PDE1A: variants seen among roughly 807,000 people sequenced by gnomAD.
PDE1A encodes the protein phosphodiesterase 1A.
A neutral mutation model predicts 61.7 loss-of-function variants in PDE1A; 35 were observed. The ratio of observed to expected loss-of-function variants is 0.57; its 90% CI spans 0.43 to 0.75. PDE1A has a LOEUF of 0.75. Among genes scored for constraint, PDE1A ranks in the 30% least tolerant of loss-of-function variants. The pLI is 0.00. For missense variants in PDE1A, 597 were observed against 630.6 expected, an observed-to-expected ratio of 0.95 and a Z score of 0.57; for synonymous variants, 232 against 213.2, an observed-to-expected ratio of 1.09 and a Z score of -0.77.
intron 1 of PDE1A, among the ~76,000 whole-genome samples, chr2:182,267,083 T>A (rs930804345): frequency 1.1e-4 from 16 of 152,000 alleles, no homozygotes; most frequent in African/African-American, 3.9e-4. Flanking sequence ...AGATGATGAG[T>A]ACCCTAGGAG....
downstream of PDE1A, chr2:182,142,542 T>A (rs1458537185): frequency 6.6e-6 from 1 of 152,174 alleles, no homozygotes; most frequent in Admixed American, 6.5e-5. Context: ...TCTGTTCCCA[T>A]GCATTTAAAA....
intron 2 of PDE1A, among the ~76,000 whole-genome samples, chr2:182,508,019 G>C (rs1036079566): frequency 6.6e-6 from 1 of 151,708 alleles, no homozygotes; most frequent in African/African-American, 2.4e-5. Flanking sequence ...CTTCAGGGAA[G>C]AGCATTCTTA....
intron 1 of PDE1A, among the ~76,000 whole-genome samples, chr2:182,341,607 C>A (rs1352232232): frequency 1.3e-5 from 2 of 152,108 alleles, no homozygotes; most frequent in African/African-American, 4.8e-5. Context: ...TTATCCATCA[C>A]CCCCATAAAG....
chr2:182,212,581 G>C (rs1337255533), intron 7 of PDE1A, among the ~76,000 whole-genome samples: 1 of 152,224 alleles, frequency 6.6e-6, no homozygotes. Flanking sequence ...AGCCGAAGCA[G>C]GGCGAGGCAT....
the PDE1A span, among the ~76,000 whole-genome samples, chr2:182,539,758 G>A: frequency 2.0e-5 from 3 of 152,092 alleles, no homozygotes; most frequent in Non-Finnish European, 2.9e-5. Flanking sequence ...TCAGTGCAAT[G>A]GGCATTGAAT....
At chr2:182,522,661 T>C in intron 1 of PDE1A, 1 of 1,154,520 alleles carries the variant, frequency 8.7e-7, no homozygotes, top group South Asian at 3.1e-5. Context: ...ACTGTACTAC[T>C]GACCGACTGA....
At chr2:182,286,564 C>T (rs35220243) in intron 1 of PDE1A, among the ~76,000 whole-genome samples, 15,002 of 152,142 alleles carry the variant, frequency 0.099, 977 homozygotes, top group Middle Eastern at 0.18. Context: ...TGAGTGATTT[C>T]GGACCTAAGC....
rs77839773 is a variant in PDE1A at position 182,359,058 on chromosome 2, T to C, written c.53+67520A>G. Among the ~76,000 whole-genome samples the C allele has an allele frequency of 2.5e-3, 379 of 152,162 alleles. 7 individuals are homozygous for C. Among genetic ancestry groups the C allele is most frequent in the East Asian group, 4.8e-3 (25 of 5,178 alleles). Reference sequence around the variant, plus strand: ...TCCTTTCTGACTTTACAATACTTACTATAATTCCTAACATGTAGCTGTGGA... The same window carrying C: ...TCCTTTCTGACTTTACAATACTTACCATAATTCCTAACATGTAGCTGTGGA... On this transcript the variant is annotated intron_variant, in intron 1 of 13. Coordinates refer to ENST00000351439, the Ensembl canonical transcript of PDE1A.
chr2:182,200,711 A>G (rs1436442910), intron 10 of PDE1A, among the ~76,000 whole-genome samples: 1 of 152,226 alleles, frequency 6.6e-6, no homozygotes, highest in Non-Finnish European at 1.5e-5. Flanking sequence ...GGAACCACTG[A>G]ACTTGTAACT....
chr2:182,580,076 C>T, the PDE1A span, among the ~76,000 whole-genome samples: 1 of 152,332 alleles, frequency 6.6e-6, no homozygotes, highest in African/African-American at 2.4e-5. Flanking sequence ...AATAAACACA[C>T]AAATTAATCA....
intron 3 of PDE1A, among the ~76,000 whole-genome samples, chr2:182,235,722 C>A (rs1689956404): frequency 6.6e-6 from 1 of 152,194 alleles, no homozygotes; most frequent in African/African-American, 2.4e-5. Flanking sequence ...AATTTCTAGG[C>A]TACATGGCTG....
chr2:182,155,589 A>G (rs1294629852), intron 13 of PDE1A, among the ~76,000 whole-genome samples: 1 of 152,152 alleles, frequency 6.6e-6, no homozygotes, highest in Non-Finnish European at 1.5e-5. Flanking sequence ...ACCTTGAACT[A>G]TAATAAGCCC....
intron 2 of PDE1A, among the ~76,000 whole-genome samples, chr2:182,505,391 A>C (rs1404197314): frequency 6.6e-6 from 1 of 152,072 alleles, no homozygotes; most frequent in Non-Finnish European, 1.5e-5. Flanking sequence ...TTGGCAGAGG[A>C]ATGGGGAAAA....
At chr2:182,329,531 A>G (rs1045908396) in intron 1 of PDE1A, among the ~76,000 whole-genome samples, 3 of 152,074 alleles carry the variant, frequency 2.0e-5, no homozygotes, top group Non-Finnish European at 2.9e-5. Flanking sequence ...CTGGGATTAC[A>G]GGCACCCGCC....
intron 10 of PDE1A, among the ~76,000 whole-genome samples, chr2:182,192,281 T>A (rs1231033394): frequency 6.6e-6 from 1 of 152,154 alleles, no homozygotes; most frequent in African/African-American, 2.4e-5. Flanking sequence ...TATATTCTAT[T>A]TGCTTCCTGT....
chr2:182,428,198 G>T (rs1015767454), upstream of PDE1A, among the ~76,000 whole-genome samples: 1 of 152,108 alleles, frequency 6.6e-6, no homozygotes, highest in African/African-American at 2.4e-5. Context: ...AATATGCCGG[G>T]CCACTGTGGG....
chr2:182,415,116 C>A (rs540997069), intron 1 of PDE1A, among the ~76,000 whole-genome samples: 109 of 152,212 alleles, frequency 7.2e-4, no homozygotes, highest in African/African-American at 2.6e-3. Flanking sequence ...CTTTACCACT[C>A]TGTACCACAT....
intron 2 of PDE1A, among the ~76,000 whole-genome samples, chr2:182,472,957 A>T (rs1057054035): frequency 9.9e-5 from 15 of 151,052 alleles, no homozygotes; most frequent in African/African-American, 2.9e-4. Flanking sequence ...TTTTTTTTAA[A>T]TTTTTTATTT....
chr2:182,401,139 T>C (rs914410070), intron 1 of PDE1A, among the ~76,000 whole-genome samples: 4 of 152,014 alleles, frequency 2.6e-5, no homozygotes, highest in South Asian at 2.1e-4. Flanking sequence ...TTCCAAACAA[T>C]AGAAAAAGAG....
Sources: allele counts gnomAD v4.1 joint callset (sites outside exome capture counted in the v4.1 genomes callset), GRCh38; gene constraint gnomAD v4.1.1; transcripts MANE v1.5; gene names NCBI Gene and HGNC (gene_info 2026-07-23, HGNC 2026-07-21).